The following HTR4 variants were observed in gnomAD, a reference collection of about 807,000 sequenced individuals.
HTR4 encodes 5-hydroxytryptamine (serotonin) receptor 4, G protein-coupled.
HTR4 carries 16 observed loss-of-function variants against 36.8 expected under a neutral mutation model. The observed-to-expected ratio is 0.43, with a 90% confidence interval of 0.29 to 0.66. HTR4 has a LOEUF of 0.66. Among genes scored for constraint, HTR4 ranks in the 30% least tolerant of loss-of-function variants. The pLI is 0.13. For missense variants in HTR4, 438 were observed against 490.9 expected (o/e 0.89, Z 1.02); for synonymous variants, 189 against 185.1 (o/e 1.02, Z -0.17).
intron 2 of HTR4, among the ~76,000 whole-genome samples, chr5:148,570,083 T>G (rs890404178): frequency 2.0e-5 from 3 of 151,854 alleles, no homozygotes; most frequent in Admixed American, 1.3e-4. Context: ...TACACAAGAG[T>G]ATTAATTTCT....
intron 4 of HTR4, among the ~76,000 whole-genome samples, chr5:148,539,754 C>T (rs1165603751): frequency 1.3e-5 from 2 of 152,096 alleles, no homozygotes; most frequent in African/African-American, 2.4e-5. Context: ...AAAAAGGGAA[C>T]ATTTATACAC....
At chr5:148,521,207 T>C (rs1428168490) in intron 5 of HTR4, among the ~76,000 whole-genome samples, 1 of 152,234 alleles carries the variant, frequency 6.6e-6, no homozygotes, top group African/African-American at 2.4e-5. Context: ...ATGTCAAAGC[T>C]GGAGGACTCT....
At chr5:148,505,813 C>A (rs1343771747) in intron 6 of HTR4, among the ~76,000 whole-genome samples, 4 of 152,118 alleles carry the variant, frequency 2.6e-5, no homozygotes, top group African/African-American at 9.7e-5. Flanking sequence ...ATCCAACTCA[C>A]AAGGGATGTG....
chr5:148,599,616 T>C (rs985871969), intron 2 of HTR4, among the ~76,000 whole-genome samples: 11 of 152,020 alleles, frequency 7.2e-5, no homozygotes, highest in Non-Finnish European at 1.6e-4. Context: ...CTAGTACTGG[T>C]AAATTTTAAG....
intron 4 of HTR4, among the ~76,000 whole-genome samples, chr5:148,529,689 G>C (rs1758460345): frequency 6.6e-6 from 1 of 152,230 alleles, no homozygotes. Context: ...ATGTGGAAGT[G>C]ACTTTGGAAC....
intron 6 of HTR4, among the ~76,000 whole-genome samples, chr5:148,489,546 G>C (rs1180994327): frequency 6.6e-6 from 1 of 152,148 alleles, no homozygotes; most frequent in Non-Finnish European, 1.5e-5. Flanking sequence ...GGAGAAAGTG[G>C]GGCAGGAAAG....
intron 5 of HTR4, among the ~76,000 whole-genome samples, chr5:148,458,035 AT>A: frequency 7.5e-6 from 1 of 132,894 alleles, no homozygotes; most frequent in Admixed American, 7.6e-5. Flanking sequence ...GATATATTTA[AT>A]ATATATTAAA....
chr5:148,579,770 C>T (rs1048304888), intron 2 of HTR4, among the ~76,000 whole-genome samples: 25 of 152,036 alleles, frequency 1.6e-4, no homozygotes, highest in African/African-American at 5.8e-4. Flanking sequence ...AGCCCACATT[C>T]CTTGACACAT....
intron 1 of HTR4, 100 bp from the exon 2 acceptor site, chr5:148,637,161 G>T: frequency 1.3e-6 from 1 of 748,090 alleles, no homozygotes; most frequent in South Asian, 1.8e-5. Context: ...TTCCTATTAT[G>T]ACTTGTTTTG....
At chr5:148,537,689 A>G (rs926062304) in intron 4 of HTR4, among the ~76,000 whole-genome samples, 47 of 152,300 alleles carry the variant, frequency 3.1e-4, no homozygotes, top group African/African-American at 1.1e-3. Context: ...AACCAGGAAG[A>G]AACTGATTCC....
rs529563116 is a variant in HTR4 at position 148,532,260 on chromosome 5, C to T, written c.354-8914G>A. Among the ~76,000 whole-genome samples the T allele has an allele frequency of 3.3e-5, 5 of 152,230 alleles. 1 individual carries two copies. Among genetic ancestry groups the T allele is most frequent in the African/African-American group, 1.2e-4 (5 of 41,536 alleles). On this transcript the variant is annotated intron_variant, in intron 4 of 6. Coordinates refer to ENST00000377888, the MANE Select transcript of HTR4 (RefSeq NM_000870.7). ...AGGGGATACCCAGAAGCACAGGACA[C>T]CTGTGCCCCTAAAAAAGAAAATGAT... is the stretch of plus-strand genomic sequence containing the variant.
chr5:148,456,070 T>C (rs575036817), intron 5 of HTR4, among the ~76,000 whole-genome samples: 21 of 152,198 alleles, frequency 1.4e-4, no homozygotes, highest in African/African-American at 4.8e-4. Context: ...CCTCTCACCA[T>C]GGTATGGTGA....
chr5:148,621,949 C>G, intron 2 of HTR4, among the ~76,000 whole-genome samples: 1 of 152,178 alleles, frequency 6.6e-6, no homozygotes, highest in Non-Finnish European at 1.5e-5. Flanking sequence ...ATTCTTGCTG[C>G]TTATTTGGAT....
At chr5:148,547,809 G>T (rs1759465966) in intron 4 of HTR4, among the ~76,000 whole-genome samples, 1 of 151,900 alleles carries the variant, frequency 6.6e-6, no homozygotes, top group Non-Finnish European at 1.5e-5. Flanking sequence ...GGGTTTGTTG[G>T]GTTGCTCAAG....
At chr5:148,451,211 G>C in exon 6 of HTR4, 9 of 1,613,854 alleles carry the variant, frequency 5.6e-6, no homozygotes, top group Non-Finnish European at 7.6e-6. Flanking sequence ...AGGGATTCTG[G>C]GTCATTGTGT....
At chr5:148,525,815 G>C (rs2113802173) in intron 4 of HTR4, among the ~76,000 whole-genome samples, 1 of 152,280 alleles carries the variant, frequency 6.6e-6, no homozygotes, top group African/African-American at 2.4e-5. Context: ...AGTAACCTTG[G>C]AATGTGACCT....
rs117328246 is a variant in HTR4 at position 148,604,717 on chromosome 5, G to A, written c.26+32272C>T. Among the ~76,000 whole-genome samples the A allele has an allele frequency of 2.6e-4, 40 of 152,266 alleles. No homozygotes were observed. The East Asian group carries it at 7.3e-3, about 28-fold the overall frequency. ...AGCAATGAAATGGATAAATCTCAAAGATATAATGATGAATGAAAGAGGCCA... is the reference window on the plus strand; with the variant it reads ...AGCAATGAAATGGATAAATCTCAAAAATATAATGATGAATGAAAGAGGCCA... On this transcript the variant is annotated intron_variant, in intron 2 of 6. Coordinates refer to ENST00000377888, the MANE Select transcript of HTR4 (RefSeq NM_000870.7).
chr5:148,504,406 C>T (rs970610213), intron 6 of HTR4, among the ~76,000 whole-genome samples: 18 of 152,092 alleles, frequency 1.2e-4, no homozygotes, highest in Admixed American at 5.9e-4. Flanking sequence ...GGGTACATAA[C>T]GAAATGAAGG....
chr5:148,648,446 T>C (rs1481741094), intron 1 of HTR4, among the ~76,000 whole-genome samples: 1 of 151,928 alleles, frequency 6.6e-6, no homozygotes, highest in Admixed American at 6.6e-5. Flanking sequence ...CCAAGAGAGG[T>C]GCACGAATGG....
Sources: allele counts gnomAD v4.1 joint callset (sites outside exome capture counted in the v4.1 genomes callset), GRCh38; gene constraint gnomAD v4.1.1; transcripts MANE v1.5; gene names NCBI Gene and HGNC (gene_info 2026-07-23, HGNC 2026-07-21).